DNAH1: variants seen among roughly 807,000 people sequenced by gnomAD.
DNAH1 encodes the protein dynein axonemal heavy chain 1, also known as axonemal beta dynein heavy chain 1.
DNAH1 carries 327 observed loss-of-function variants against 484.3 expected under a neutral mutation model. The observed-to-expected ratio is 0.68, with a 90% CI of 0.62 to 0.74. The LOEUF (loss-of-function observed/expected upper bound fraction) is 0.74, where lower values mean the gene tolerates loss of function less well. DNAH1 is among the 30% of genes least tolerant of loss of function. DNAH1 has a pLI of 0.00. For synonymous variants in DNAH1, 2,192 were observed against 2,191.9 expected (o/e 1.00, Z 0.00); for missense variants, 5,052 against 5,546.8 (o/e 0.91, Z 2.83).
At chr3:52,377,183 T>C (rs960616757) in intron 46 of DNAH1, among the ~76,000 whole-genome samples, 5 of 152,024 alleles carry the variant, frequency 3.3e-5, no homozygotes, top group African/African-American at 9.7e-5. Context: ...GCCAAACCTG[T>C]CCAGAGCCAA....
At position 52,380,097 on chromosome 3, in the gene DNAH1, G is replaced by T; in HGVS notation, c.7570G>T (p.Asp2524Tyr). 1 of 1,604,294 alleles carries T rather than the reference G, an allele frequency of 6.2e-7. No individual in the cohort carries two copies. Among genetic ancestry groups the T allele is most frequent in the Non-Finnish European group, 8.5e-7 (1 of 1,175,438 alleles). The change falls in exon 48 of 78, where the codon GAT becomes TAT. Residue 2524 changes from aspartate (D) to tyrosine (Y), a missense_variant. Physicochemically the swap from Asp to Tyr is radical, Grantham distance 160. Coordinates refer to ENST00000420323, the MANE Select transcript of DNAH1 (RefSeq NM_015512.5). ...LYGDFMSPGS[D>Y]VKSYELITSE... ...CGGGGACTTCATGTCACCAGGCTCC[G>T]ATGTCAAGTCCTACGAGCTCATCAC...
chr3:52,398,812 C>T (rs1375760470), intron 75 of DNAH1, 38 bp from the exon 76 acceptor site: 22 of 1,466,686 alleles, frequency 1.5e-5, no homozygotes, highest in Non-Finnish European at 1.9e-5. Flanking sequence ...CCACGTGACC[C>T]CAGCCCACTA....
upstream of DNAH1, among the ~76,000 whole-genome samples, chr3:52,311,749 G>T (rs1700766420): frequency 6.6e-6 from 1 of 152,300 alleles, no homozygotes; most frequent in African/African-American, 2.4e-5. Context: ...TGGCAACCTG[G>T]TGGGGTTGCT....
At chr3:52,344,217 C>T (rs1702054916) in intron 8 of DNAH1, among the ~76,000 whole-genome samples, 1 of 152,132 alleles carries the variant, frequency 6.6e-6, no homozygotes, top group Admixed American at 6.5e-5. Context: ...TCCCACTGCT[C>T]TGGGGCCTGC....
rs1183345340 is a variant in DNAH1 at position 52,355,111 on chromosome 3, C to G, written c.3693+56C>G. 6.5e-7 allele frequency: 1 copy of G among 1,545,018 alleles called. No individual in the cohort carries two copies. The highest frequency in any genetic ancestry group is 1.4e-5 in the African/African-American group (1 of 73,716). On this transcript the variant is annotated intron_variant, in intron 21 of 77. Transcript: ENST00000420323. This position sits in a 1 kb window ranked among gnomAD's most constrained non-coding sequence, Gnocchi z 4.5. ...GCTCCCCCACTTCAGAGAGCCCGACCCACAGGTGTCACTGATGGTCTCCGG... is the reference window on the plus strand; with the variant it reads ...GCTCCCCCACTTCAGAGAGCCCGACGCACAGGTGTCACTGATGGTCTCCGG...
intron 6 of DNAH1, among the ~76,000 whole-genome samples, chr3:52,328,497 C>T (rs1701432887): frequency 1.3e-5 from 2 of 152,238 alleles, no homozygotes; most frequent in South Asian, 4.1e-4. Flanking sequence ...CCCCAACAAC[C>T]TCTCTTGTGT....
rs1295301691 is a variant in DNAH1 at position 52,365,143 on chromosome 3, A to C, written c.5518+124A>C. 4 of 1,322,776 alleles carry C rather than the reference A, an allele frequency of 3.0e-6. No homozygotes were observed. In the East Asian group the frequency reaches 1.0e-4, roughly 33 times the overall value. 81.9% of individuals were successfully genotyped at this position (1,322,776 alleles called of 1,614,324 possible). On this transcript the variant is annotated intron_variant, in intron 34 of 77. Transcript: ENST00000420323. Reference sequence around the variant, plus strand: ...CCTCACACCTGGCCAAGTGTGCTGCAGGCCCGGGCTCTCAGCCGAGCAATC... The same window carrying C: ...CCTCACACCTGGCCAAGTGTGCTGCCGGCCCGGGCTCTCAGCCGAGCAATC...
chr3:52,370,230 G>T lies in DNAH1; in HGVS notation c.6258+1G>T. The T allele has an allele frequency of 6.2e-7, 1 of 1,613,572 alleles. No homozygotes were observed. Among genetic ancestry groups the T allele is most frequent in the Non-Finnish European group, 8.5e-7 (1 of 1,179,712 alleles). On this transcript the variant is annotated splice_donor_variant, in intron 39 of 77. Coordinates refer to ENST00000420323, the MANE Select transcript of DNAH1 (RefSeq NM_015512.5). LOFTEE classifies it high-confidence loss of function. ...CTTCAAGCCCTTTCTGCCTAGAGAG[G>T]TACAGCCCTGAGAGTGGGGCTAGAT...
At position 52,374,487 on chromosome 3, in the gene DNAH1, G is replaced by A. The variant is rs749477790; in HGVS notation, c.6986-753G>A. The A allele has an allele frequency of 2.8e-6, 4 of 1,425,138 alleles. No homozygotes were observed. The African/African-American group carries it at 4.2e-5, about 15-fold the overall frequency. The allele number at this position is 1,425,138 out of a possible 1,614,324, so 88.3% of individuals were successfully genotyped here. On this transcript the variant is annotated intron_variant, in intron 44 of 77. Coordinates refer to ENST00000420323, the MANE Select transcript of DNAH1 (RefSeq NM_015512.5). The stretch of plus-strand genomic sequence containing the variant: ...AGTAATGTTCTTAAACAAATTAGAA[G>A]CGATTTTAGATGTCATTGAACCATC...
At chr3:52,315,095 C>G (rs981793533), upstream of DNAH1, among the ~76,000 whole-genome samples, 3 of 152,188 alleles carry the variant, frequency 2.0e-5, no homozygotes, top group Non-Finnish European at 4.4e-5. Context: ...TGAGCAATGG[C>G]AGGGAGGCTT....
At chr3:52,352,151 G>T (rs371377964) in intron 17 of DNAH1, 48 bp downstream of exon 17, 1 of 1,547,582 alleles carries the variant, frequency 6.5e-7, no homozygotes, top group Non-Finnish European at 8.7e-7. Context: ...CCCACCACAC[G>T]CACGCACAGT....
intron 72 of DNAH1, 28 bp from the exon 73 acceptor site, chr3:52,396,840 G>A (rs1468058035): frequency 2.5e-6 from 4 of 1,612,222 alleles, no homozygotes; most frequent in Non-Finnish European, 3.4e-6. Context: ...TGGGCACTTA[G>A]GGGAGCCCTC....
At chr3:52,327,771 T>C in intron 5 of DNAH1, 111 bp from the exon 6 acceptor site, 1 of 1,313,162 alleles carries the variant, frequency 7.6e-7, no homozygotes, top group South Asian at 1.4e-5. Flanking sequence ...CTTGCAGCTC[T>C]CTCACCTGGG....
chr3:52,371,888 G>A, intron 41 of DNAH1, 58 bp from the exon 42 acceptor site: 1 of 1,591,714 alleles, frequency 6.3e-7, no homozygotes. Flanking sequence ...TGGGGCCGCA[G>A]CCAGGAGTGG....
At position 52,361,061 on chromosome 3, in the gene DNAH1, A is replaced by G; in HGVS notation, c.4686-103A>G. The G allele has an allele frequency of 1.7e-6, 2 of 1,187,786 alleles. No homozygotes were observed. The highest frequency in any genetic ancestry group is 6.1e-5 in the East Asian group (2 of 32,708). The allele number at this position is 1,187,786 out of a possible 1,614,324, so 73.6% of individuals were successfully genotyped here. On this transcript the variant is annotated intron_variant, in intron 28 of 77. Coordinates refer to ENST00000420323, the MANE Select transcript of DNAH1 (RefSeq NM_015512.5). The surrounding 1 kb of genome is among the most constrained non-coding windows in gnomAD (Gnocchi z 5.6). ...AGGGCTGGGCACACCCCAGCCCACCAAAAGGGGACGGGGCGAGAGGCCCCA... is the reference window on the plus strand; with the variant it reads ...AGGGCTGGGCACACCCCAGCCCACCGAAAGGGGACGGGGCGAGAGGCCCCA...
chr3:52,326,176 G>T lies in DNAH1; in HGVS notation c.443G>T (p.Arg148Leu), dbSNP rs768707082. ...SFEVPEDFQE[R>L]MEQQCIGSTT... Reference sequence around the variant, plus strand: ...GAGGTTCCTGAAGACTTCCAGGAGCGCATGGAGCAGCAGTGCATCGGGTCC... The same window carrying T: ...GAGGTTCCTGAAGACTTCCAGGAGCTCATGGAGCAGCAGTGCATCGGGTCC... Residue 148 changes from arginine to leucine, a missense_variant, in exon 4 of 78, where the codon CGC (arginine) becomes CTC (leucine). Arg to Leu is a moderately radical substitution (Grantham distance 102). Coordinates refer to ENST00000420323, the MANE Select transcript of DNAH1 (RefSeq NM_015512.5). The T allele has an allele frequency of 1.2e-6, 2 of 1,611,680 alleles. No homozygotes were observed. The highest frequency in any genetic ancestry group is 8.5e-7 in the Non-Finnish European group (1 of 1,178,906).
intron 8 of DNAH1, among the ~76,000 whole-genome samples, chr3:52,338,210 G>A (rs1168335498): frequency 2.6e-5 from 4 of 152,156 alleles, no homozygotes. Context: ...CCGGGCTCAA[G>A]CTATTCTCCT....
upstream of DNAH1, among the ~76,000 whole-genome samples, chr3:52,313,709 T>G (rs755418159): frequency 6.6e-6 from 1 of 152,154 alleles, no homozygotes; most frequent in African/African-American, 2.4e-5. Context: ...GAACAAACCC[T>G]TCCTTACTGA....
chr3:52,354,406 G>A (rs1702522424), intron 20 of DNAH1, among the ~76,000 whole-genome samples: 1 of 152,218 alleles, frequency 6.6e-6, no homozygotes, highest in South Asian at 2.1e-4. Flanking sequence ...GCCGAGGCGG[G>A]TGGATCACCT....
Sources: gnomAD v4.1 joint callset for allele counts (sites outside exome capture counted in the v4.1 genomes callset) on GRCh38, gnomAD v4.1.1 for gene constraint, Gnocchi (gnomAD v3.1) non-coding constraint, MANE v1.5 for transcripts, NCBI Gene and HGNC (gene_info 2026-07-23, HGNC 2026-07-21) for gene names.